Variants in ZFYVE9 observed in about 807,000 individuals in gnomAD.
ZFYVE9 encodes the protein zinc finger FYVE domain-containing protein 9.
A neutral mutation model predicts 126.7 loss-of-function variants in ZFYVE9; 43 were observed. The ratio of observed to expected loss-of-function variants is 0.34; its 90% confidence interval spans 0.27 to 0.44. The LOEUF (loss-of-function observed/expected upper bound fraction) is 0.44. Ranked by LOEUF, ZFYVE9 falls within the 20% of genes least tolerant of loss-of-function variation. The probability of loss-of-function intolerance (pLI) is 1.00; values close to 1 mark genes in which losing one functional copy is unlikely to be tolerated. For missense variants in ZFYVE9, 1,476 were observed against 1,697.0 expected (o/e 0.87, Z 2.29); for synonymous variants, 521 against 597.4 (o/e 0.87, Z 1.87).
At chr1:52,272,020 G>A (rs1645697899) in intron 7 of ZFYVE9, among the ~76,000 whole-genome samples, 1 of 151,944 alleles carries the variant, frequency 6.6e-6, no homozygotes, top group African/African-American at 2.4e-5. Flanking sequence ...TGTATTTTTA[G>A]TAAGAGACGG....
intron 12 of ZFYVE9, among the ~76,000 whole-genome samples, chr1:52,300,362 C>A (rs901028557): frequency 5.3e-5 from 8 of 152,016 alleles, no homozygotes; most frequent in Non-Finnish European, 1.0e-4. Context: ...GAGGCCAAGG[C>A]AGGCGGATCA....
intron 1 of ZFYVE9, among the ~76,000 whole-genome samples, chr1:52,200,068 T>G (rs1051856740): frequency 5.3e-5 from 8 of 152,046 alleles, no homozygotes; most frequent in Non-Finnish European, 1.2e-4. Flanking sequence ...CTTTGTACAT[T>G]TTGGATAATA....
chr1:52,189,680 G>T (rs200156321), intron 1 of ZFYVE9, among the ~76,000 whole-genome samples: 27 of 146,294 alleles, frequency 1.8e-4, no homozygotes, highest in Admixed American at 4.7e-4. Flanking sequence ...GCCTTAGGTT[G>T]TTTTTTTTTT....
At chr1:52,307,838 G>A (rs928149142) in intron 13 of ZFYVE9, among the ~76,000 whole-genome samples, 5 of 148,998 alleles carry the variant, frequency 3.4e-5, no homozygotes, top group African/African-American at 7.4e-5. Flanking sequence ...TGCAAGCTCC[G>A]CCTCCCGGGT....
intron 18 of ZFYVE9, 80 bp downstream of exon 18, chr1:52,345,024 C>T: frequency 6.7e-7 from 1 of 1,498,110 alleles, no homozygotes; most frequent in Non-Finnish European, 9.2e-7. Context: ...CTGCATCACC[C>T]CAGAGAGCTT....
intron 1 of ZFYVE9, among the ~76,000 whole-genome samples, chr1:52,193,923 A>G (rs1447578629): frequency 6.6e-6 from 1 of 152,106 alleles, no homozygotes; most frequent in Admixed American, 6.6e-5. Context: ...TATAACTGAT[A>G]AATAACAGGA....
intron 1 of ZFYVE9, among the ~76,000 whole-genome samples, chr1:52,202,751 T>C (rs1156245012): frequency 1.3e-5 from 2 of 151,966 alleles, no homozygotes; most frequent in Non-Finnish European, 2.9e-5. Context: ...AGTGGCACGA[T>C]CTTGGCTCAC....
At chr1:52,296,049 A>C in intron 12 of ZFYVE9, 72 bp downstream of exon 12, 1 of 1,401,684 alleles carries the variant, frequency 7.1e-7, no homozygotes, top group Non-Finnish European at 1.0e-6. Flanking sequence ...CAATTTTATT[A>C]TTTTCTTGGT....
chr1:52,346,379 G>C lies in ZFYVE9; in HGVS notation c.*158G>C. The C allele has an allele frequency of 1.4e-6, 1 of 732,198 alleles. No individual in the cohort carries two copies. 45.4% of individuals were successfully genotyped at this position (732,198 alleles called of 1,614,324 possible). On this transcript the variant is annotated 3_prime_UTR_variant, in exon 19 of 19. Coordinates refer to ENST00000287727, the MANE Select transcript of ZFYVE9 (RefSeq NM_004799.4). ...GGGGTTTGGGAGACGGGTGGGAAAG[G>C]GTGGTTGGGGGGACCGATGTTCCAT... is the stretch of plus-strand genomic sequence containing the variant.
chr1:52,167,805 C>T (rs1328399032), intron 1 of ZFYVE9, among the ~76,000 whole-genome samples: 1 of 152,104 alleles, frequency 6.6e-6, no homozygotes, highest in African/African-American at 2.4e-5. Flanking sequence ...CTTCATGATA[C>T]CAGGTCCAAA....
chr1:52,227,033 G>A (rs1645176760), intron 2 of ZFYVE9, among the ~76,000 whole-genome samples: 1 of 152,192 alleles, frequency 6.6e-6, no homozygotes, highest in African/African-American at 2.4e-5. Context: ...GGTAGAAAAT[G>A]GTGGAGGGTA....
At chr1:52,322,171 A>C (rs1466673881) in intron 13 of ZFYVE9, among the ~76,000 whole-genome samples, 1 of 152,104 alleles carries the variant, frequency 6.6e-6, no homozygotes, top group Non-Finnish European at 1.5e-5. Flanking sequence ...GTCATCTTTG[A>C]ATCTTCTTTT....
Position 52,151,422 on chromosome 1 carries a change from T to A in ZFYVE9, c.-143+9019T>A, listed in dbSNP as rs1038621458. Among the ~76,000 whole-genome samples, 5 of 152,164 alleles carry A rather than the reference T, an allele frequency of 3.3e-5. No individual in the cohort carries two copies. In the South Asian group the frequency reaches 1.0e-3, roughly 32 times the overall value. On this transcript the variant is annotated intron_variant, in intron 1 of 18. Transcript: ENST00000287727. ...AGCCCACATTGATGATTCAAACTTA[T>A]ATATCAAGCTCATATATCTCTGACT...
intron 4 of ZFYVE9, among the ~76,000 whole-genome samples, chr1:52,243,947 C>T (rs116497767): frequency 9.8e-4 from 149 of 151,916 alleles, no homozygotes; most frequent in African/African-American, 3.3e-3. Flanking sequence ...AAGGAGTGAG[C>T]GGAGAGGTAA....
intron 13 of ZFYVE9, among the ~76,000 whole-genome samples, chr1:52,319,959 G>C (rs1201134279): frequency 3.3e-5 from 5 of 149,854 alleles, no homozygotes; most frequent in Non-Finnish European, 7.4e-5. Flanking sequence ...GTTGCAGTGA[G>C]CTGAGATTGC....
At chr1:52,318,687 T>C (rs1646210557) in intron 13 of ZFYVE9, among the ~76,000 whole-genome samples, 1 of 151,708 alleles carries the variant, frequency 6.6e-6, no homozygotes, top group South Asian at 2.1e-4. Context: ...CCTTATGGAG[T>C]CTACAAAATG....
At chr1:52,330,783 A>G (rs957496362) in intron 13 of ZFYVE9, among the ~76,000 whole-genome samples, 4 of 152,070 alleles carry the variant, frequency 2.6e-5, no homozygotes, top group Non-Finnish European at 5.9e-5. Flanking sequence ...ACCTCCTGGG[A>G]TGCAGCCCAG....
intron 4 of ZFYVE9, chr1:52,254,142 G>A (rs1037873192): frequency 1.3e-5 from 9 of 716,548 alleles, no homozygotes; most frequent in Non-Finnish European, 2.1e-5. Context: ...TTTCCTAGAT[G>A]TACAACTATA....
At chr1:52,264,217 A>C (rs970990435) in intron 5 of ZFYVE9, among the ~76,000 whole-genome samples, 1 of 152,146 alleles carries the variant, frequency 6.6e-6, no homozygotes, top group Non-Finnish European at 1.5e-5. Flanking sequence ...AGATGTTAAA[A>C]CTGGGCTGAG....
Sources: allele counts gnomAD v4.1 joint callset (sites outside exome capture counted in the v4.1 genomes callset), GRCh38; gene constraint gnomAD v4.1.1; transcripts MANE v1.5; gene names NCBI Gene and HGNC (gene_info 2026-07-23, HGNC 2026-07-21).